The following MGAT5B variants were observed in gnomAD, a reference collection of about 807,000 sequenced individuals.
MGAT5B encodes N-acetylglucosaminyl-transferase Vb.
In MGAT5B, 54 loss-of-function variants were observed where a neutral mutation model predicts 95.1. The observed-to-expected ratio is 0.57, with a 90% CI of 0.46 to 0.71. The LOEUF (loss-of-function observed/expected upper bound fraction) is 0.71. MGAT5B is among the 30% of genes least tolerant of loss of function. The probability of loss-of-function intolerance (pLI) is 0.00; values close to 1 mark genes in which losing one functional copy is unlikely to be tolerated. For missense variants in MGAT5B, 935 were observed against 1,088.6 expected (o/e 0.86, Z 1.99); for synonymous variants, 464 against 451.0 (o/e 1.03, Z -0.36).
intron 15 of MGAT5B, among the ~76,000 whole-genome samples, chr17:76,941,444 C>A (rs953902122): frequency 6.6e-6 from 1 of 152,216 alleles, no homozygotes; most frequent in Non-Finnish European, 1.5e-5. Flanking sequence ...TTGATCGTGC[C>A]TTGTGCTTGG....
chr17:76,948,070 C>G lies in MGAT5B; in HGVS notation c.2164C>G (p.Gln722Glu), dbSNP rs143445770. The change falls in exon 17 of 18, where the codon CAG (glutamine) becomes GAG (glutamate). Residue 722 changes from glutamine (Q) to glutamate (E), a missense_variant. Transcript: ENST00000569840. ...CTCCTTCTTCCCCTTCCTGAACAGC[C>G]AGGACGCCTTCCTCAAGTGAGTGTT... ...EPSFFPFLNSQDAFLKLQVPC... is the reference protein window; with the variant it reads ...EPSFFPFLNSEDAFLKLQVPC... 1 of 1,604,044 alleles carries G rather than the reference C, an allele frequency of 6.2e-7. No homozygotes were observed. Among genetic ancestry groups the G allele is most frequent in the African/African-American group, 1.3e-5 (1 of 74,728 alleles).
chr17:76,925,079 TCTC>T lies in MGAT5B; in HGVS notation c.1142_1144del (p.Ser381del). 1 of 1,610,844 alleles carries T rather than the reference TCTC, an allele frequency of 6.2e-7. No homozygotes were observed. The highest frequency in any genetic ancestry group is 8.5e-7 in the Non-Finnish European group (1 of 1,179,198). On this transcript the variant is annotated inframe_deletion, in exon 9 of 18. Transcript: ENST00000569840. ...CAGCAGATGAAGCGGCACATGGGAC[TCTC>T]CTTCAAGAAGTACCGGTGAGAGGGC... is the stretch of plus-strand genomic sequence containing the variant.
intron 3 of MGAT5B, among the ~76,000 whole-genome samples, chr17:76,896,295 A>G (rs1968062597): frequency 6.6e-6 from 1 of 152,266 alleles, no homozygotes; most frequent in African/African-American, 2.4e-5. Context: ...TAAGTCCAGT[A>G]TAATAATAGT....
chr17:76,893,871 G>A (rs1281643249), intron 3 of MGAT5B, among the ~76,000 whole-genome samples: 1 of 152,178 alleles, frequency 6.6e-6, no homozygotes, highest in African/African-American at 2.4e-5. Context: ...TGGTCCTGAT[G>A]TCCTGCCCCC....
At chr17:76,900,116 G>A (rs1009012094) in intron 3 of MGAT5B, among the ~76,000 whole-genome samples, 6 of 151,762 alleles carry the variant, frequency 4.0e-5, no homozygotes, top group Non-Finnish European at 5.9e-5. Context: ...AGAGAGGCTC[G>A]GTGACCTGCC....
intron 12 of MGAT5B, among the ~76,000 whole-genome samples, chr17:76,935,728 G>A (rs190688382): frequency 4.9e-5 from 7 of 143,110 alleles, no homozygotes; most frequent in South Asian, 2.1e-4. Flanking sequence ...TCCAAGTCTC[G>A]TATCAAATAT....
chr17:76,941,641 C>T (rs1482352421), intron 15 of MGAT5B, among the ~76,000 whole-genome samples: 5 of 152,232 alleles, frequency 3.3e-5, no homozygotes, highest in Non-Finnish European at 7.3e-5. Flanking sequence ...GGGCAGCTCA[C>T]TTGAGGCCAG....
Position 76,940,632 on chromosome 17 carries a change from T to G in MGAT5B, c.1731+84T>G. 2 of 1,585,032 alleles carry G rather than the reference T, an allele frequency of 1.3e-6. No homozygotes were observed. Among genetic ancestry groups the G allele is most frequent in the South Asian group, 2.3e-5 (2 of 87,204 alleles). ...GTCCTGGAAGAGGCAGACTGAGATG[T>G]GGGGCAAAAGGAGATAGGACAAGTG... On this transcript the variant is annotated intron_variant, in intron 14 of 17. Coordinates refer to ENST00000569840, the MANE Select transcript of MGAT5B (RefSeq NM_001199172.2). The surrounding 1 kb of genome is among the most constrained non-coding windows in gnomAD (Gnocchi z 4.3).
intron 3 of MGAT5B, among the ~76,000 whole-genome samples, chr17:76,899,918 G>A (rs1410436426): frequency 6.6e-6 from 1 of 152,178 alleles, no homozygotes; most frequent in African/African-American, 2.4e-5. Flanking sequence ...AGAAAAGGTT[G>A]ATGTGCCCTG....
chr17:76,879,467 A>G (rs1032718662), intron 2 of MGAT5B, among the ~76,000 whole-genome samples: 8 of 152,124 alleles, frequency 5.3e-5, no homozygotes, highest in Admixed American at 3.9e-4. Context: ...TCCTTTTTTC[A>G]TCTCAGTCCT....
chr17:76,897,660 ACTTT>A (rs772516557), intron 3 of MGAT5B, among the ~76,000 whole-genome samples: 5,284 of 68,238 alleles, frequency 0.077, 214 homozygotes, highest in Middle Eastern at 0.13. Flanking sequence ...AAGTAAGGCC[ACTTT>A]CTTTCTTTCT....
At chr17:76,935,583 T>C (rs1969623849) in intron 12 of MGAT5B, among the ~76,000 whole-genome samples, 1 of 149,076 alleles carries the variant, frequency 6.7e-6, no homozygotes. Flanking sequence ...TATTTTTGTG[T>C]GTTTATTTGT....
chr17:76,882,312 G>C lies in MGAT5B; in HGVS notation c.329+14G>C. 1 of 1,601,334 alleles carries C rather than the reference G, an allele frequency of 6.2e-7. No individual in the cohort carries two copies. The highest frequency in any genetic ancestry group is 8.5e-7 in the Non-Finnish European group (1 of 1,174,876). ...TCCCGCAGACAGGTGAGGGGACGTG[G>C]GGAGGAGGCACACGGAGCAGGGGAG... On this transcript the variant is annotated intron_variant, in intron 3 of 17. Coordinates refer to ENST00000569840, the MANE Select transcript of MGAT5B (RefSeq NM_001199172.2).
At position 76,940,911 on chromosome 17, in the gene MGAT5B, T is replaced by G. The variant is rs1969845264; in HGVS notation, c.1848+63T>G. On this transcript the variant is annotated intron_variant, in intron 15 of 17. Coordinates refer to ENST00000569840, the MANE Select transcript of MGAT5B (RefSeq NM_001199172.2). The surrounding 1 kb of genome is among the most constrained non-coding windows in gnomAD (Gnocchi z 4.3). Reference sequence around the variant, plus strand: ...TCCACACTGCTGGTCTTCACTCTGATTAGAAAACGGTGCCCCCCTCTGGGT... The same window carrying G: ...TCCACACTGCTGGTCTTCACTCTGAGTAGAAAACGGTGCCCCCCTCTGGGT... The G allele has an allele frequency of 7.1e-7, 1 of 1,414,224 alleles. No homozygotes were observed. Among genetic ancestry groups the G allele is most frequent in the African/African-American group, 1.4e-5 (1 of 71,106 alleles). 87.6% of individuals were successfully genotyped at this position (1,414,224 alleles called of 1,614,324 possible). A position where few individuals can be genotyped will look rare whatever the true frequency, so the allele number is the denominator to read the frequency against.
At position 76,925,113 on chromosome 17, in the gene MGAT5B, G is replaced by T; in HGVS notation, c.1157+16G>T. 1 of 1,610,384 alleles carries T rather than the reference G, an allele frequency of 6.2e-7. No individual in the cohort carries two copies. The highest frequency in any genetic ancestry group is 2.2e-5 in the East Asian group (1 of 44,694). Reference sequence around the variant, plus strand: ...AGAAGTACCGGTGAGAGGGCGGCCAGAGGGTGGGCACGTGGCCCACATGCC... The same window carrying T: ...AGAAGTACCGGTGAGAGGGCGGCCATAGGGTGGGCACGTGGCCCACATGCC... On this transcript the variant is annotated intron_variant, in intron 9 of 17. Coordinates refer to ENST00000569840, the MANE Select transcript of MGAT5B (RefSeq NM_001199172.2).
chr17:76,903,980 G>T (rs1411919894), intron 5 of MGAT5B, among the ~76,000 whole-genome samples: 1 of 152,254 alleles, frequency 6.6e-6, no homozygotes, highest in Non-Finnish European at 1.5e-5. Flanking sequence ...AGGCCTCCTG[G>T]CTCTTTGCCC....
chr17:76,941,256 G>T (rs553230986), intron 15 of MGAT5B, among the ~76,000 whole-genome samples: 36 of 152,250 alleles, frequency 2.4e-4, no homozygotes, highest in Non-Finnish European at 4.7e-4. Flanking sequence ...AAAATATAAT[G>T]TGCATACAGA....
chr17:76,912,181 G>A lies in MGAT5B; in HGVS notation c.1025+5994G>A, dbSNP rs574743738. ...TGTAAGGACCCCAACTCCAAATAAG[G>A]TCATAGCCTGAAGAACTGGGGGTTA... On this transcript the variant is annotated intron_variant, in intron 8 of 17. Coordinates refer to ENST00000569840, the MANE Select transcript of MGAT5B (RefSeq NM_001199172.2). This position sits in a 1 kb window ranked among gnomAD's most constrained non-coding sequence, Gnocchi z 5.0. Among the ~76,000 whole-genome samples, 5 of 152,276 alleles carry A rather than the reference G, an allele frequency of 3.3e-5. No homozygotes were observed. Among genetic ancestry groups the A allele is most frequent in the African/African-American group, 1.2e-4 (5 of 41,558 alleles).
At chr17:76,920,694 G>A (rs1459325307) in intron 8 of MGAT5B, among the ~76,000 whole-genome samples, 1 of 152,124 alleles carries the variant, frequency 6.6e-6, no homozygotes, top group Non-Finnish European at 1.5e-5. Context: ...AGGGGATGCT[G>A]CTGTCTCCGG....
Sources: allele counts gnomAD v4.1 joint callset (sites outside exome capture counted in the v4.1 genomes callset), GRCh38; gene constraint gnomAD v4.1.1; non-coding constraint Gnocchi (gnomAD v3.1); transcripts MANE v1.5; gene names NCBI Gene and HGNC (gene_info 2026-07-23, HGNC 2026-07-21).